The following UGT1A9 variants were observed in gnomAD, a reference collection of about 807,000 sequenced individuals.
UGT1A9 encodes UDP-glucuronosyltransferase 1A9.
A neutral mutation model predicts 45.0 loss-of-function variants in UGT1A9; 35 were observed. The observed-to-expected ratio is 0.78, with a 90% CI of 0.59 to 1.03. The LOEUF is 1.03. UGT1A9 is among the 50% of genes least tolerant of loss of function. UGT1A9 has a pLI of 0.00. For synonymous variants in UGT1A9, 278 were observed against 250.6 expected, an observed-to-expected ratio of 1.11 and a Z score of -1.03; for missense variants, 687 against 666.6, an observed-to-expected ratio of 1.03 and a Z score of -0.34.
In UGT1A9 at chr2:233,767,156, C is replaced by A. The variant is rs1029357504; in HGVS notation, c.978C>A (p.Ile326=). Residue 326 remains isoleucine, a synonymous_variant, in exon 2 of 5, where the codon ATC becomes ATA. Coordinates refer to ENST00000354728, the MANE Select transcript of UGT1A9 (RefSeq NM_021027.3). Reference sequence around the variant, plus strand: ...CAATTGCTGATGCTTTGGGCAAAATCCCTCAGACAGTAAGAAGATTCTATA... The same window carrying A: ...CAATTGCTGATGCTTTGGGCAAAATACCTCAGACAGTAAGAAGATTCTATA... ...AMAIADALGK[I]PQTVLWRYTG... The A allele has an allele frequency of 6.2e-7, 1 of 1,614,058 alleles. No individual in the cohort carries two copies. Among genetic ancestry groups the A allele is most frequent in the Non-Finnish European group, 8.5e-7 (1 of 1,179,996 alleles).
Position 233,724,346 on chromosome 2 carries a change from C to G in UGT1A9, c.856-42688C>G, listed in dbSNP as rs1441595042. On this transcript the variant is annotated intron_variant, in intron 1 of 4. Coordinates refer to ENST00000354728, the MANE Select transcript of UGT1A9 (RefSeq NM_021027.3). ...CTGGCCAGGCGGGGGGCTGACCCCC[C>G]CCACCTCCCTCCCGGACGGGGTGGC... 6.3e-4 allele frequency among the ~76,000 whole-genome samples: 93 copies of G among 148,184 alleles called. 1 individual carries two copies. The highest frequency in any genetic ancestry group is 1.0e-3 in the Non-Finnish European group (69 of 66,790).
In UGT1A9 at chr2:233,768,225, C is replaced by T; in HGVS notation, c.1081C>T (p.Pro361Ser). 6.2e-7 allele frequency: 1 copy of T among 1,614,112 alleles called. No homozygotes were observed. The highest frequency in any genetic ancestry group is 8.5e-7 in the Non-Finnish European group (1 of 1,180,032). Reference protein sequence around the residue: ...WLPQNDLLGHPMTRAFITHAG... With the variant: ...WLPQNDLLGHSMTRAFITHAG... Reference sequence around the variant, plus strand: ...CTCCCTATTTTGCATCTCAGGTCACCCGATGACCCGTGCCTTTATCACCCA... The same window carrying T: ...CTCCCTATTTTGCATCTCAGGTCACTCGATGACCCGTGCCTTTATCACCCA... Residue 361 changes from proline (P) to serine (S), a missense_variant, in exon 4 of 5, where the codon CCG becomes TCG. Pro to Ser is a moderately conservative substitution (Grantham distance 74). Transcript: ENST00000354728.
chr2:233,744,019 G>T, intron 1 of UGT1A9: 1 of 997,712 alleles, frequency 1.0e-6, no homozygotes. Flanking sequence ...GCCGCCTGGA[G>T]AGACGCCCCT....
rs115421913 is a variant in UGT1A9, at chr2:233,687,928, T to C, written c.855+15139T>C. On this transcript the variant is annotated intron_variant, in intron 1 of 4. Transcript: ENST00000354728. ...GTCTCAAAATAAATAAATCAATAAA[T>C]ACATGAATAAATAAAATTTAAAAAT... Among the ~76,000 whole-genome samples, 670 of 152,294 alleles carry C rather than the reference T, an allele frequency of 4.4e-3. 8 individuals are homozygous for C. Among genetic ancestry groups the C allele is most frequent in the African/African-American group, 0.015 (635 of 41,574 alleles).
chr2:233,713,032 C>T, intron 1 of UGT1A9: 2 of 1,613,918 alleles, frequency 1.2e-6, no homozygotes, highest in Non-Finnish European at 1.7e-6. Context: ...CAGCTGGCCA[C>T]AGGACTGCTG....
At chr2:233,712,199 C>G (rs923606467) in intron 1 of UGT1A9, among the ~76,000 whole-genome samples, 3 of 152,228 alleles carry the variant, frequency 2.0e-5, no homozygotes, top group Non-Finnish European at 2.9e-5. Context: ...CCCCCGGTCC[C>G]TTGGTGAGCA....
rs543813427 is a variant in UGT1A9, at chr2:233,762,081, T to A, written c.856-4953T>A. Among the ~76,000 whole-genome samples, 15 of 152,334 alleles carry A rather than the reference T, an allele frequency of 9.8e-5. No homozygotes were observed. In the South Asian group the frequency reaches 3.1e-3, roughly 32 times the overall value. On this transcript the variant is annotated intron_variant, in intron 1 of 4. Transcript: ENST00000354728. ...TAGCACATCAAATATGGCAGCCATT[T>A]CACTTAGATAGTTGTTGATTGTCCG...
At chr2:233,748,299 A>G (rs891574049) in intron 1 of UGT1A9, among the ~76,000 whole-genome samples, 4 of 151,748 alleles carry the variant, frequency 2.6e-5, no homozygotes, top group African/African-American at 9.7e-5. Flanking sequence ...ATGAATGTTT[A>G]TCAAAGGATG....
chr2:233,689,167 T>C (rs1483008187), intron 1 of UGT1A9, among the ~76,000 whole-genome samples: 1 of 152,216 alleles, frequency 6.6e-6, no homozygotes, highest in African/African-American at 2.4e-5. Flanking sequence ...CCTTATCTTC[T>C]ACTAGGACAG....
At chr2:233,761,090 T>A in intron 1 of UGT1A9, 1 of 1,614,218 alleles carries the variant, frequency 6.2e-7, no homozygotes, top group Admixed American at 1.7e-5. Flanking sequence ...CCTAGGCCCA[T>A]CATGCCCAAT....
intron 1 of UGT1A9, among the ~76,000 whole-genome samples, chr2:233,757,560 A>ATATATATATATACATATATATATG (rs904896556): frequency 8.1e-6 from 1 of 123,146 alleles, no homozygotes; most frequent in African/African-American, 3.4e-5. Flanking sequence ...ATATATATAT[A>ATATATATATATACATATATATATG]TGTATATATG....
intron 1 of UGT1A9, among the ~76,000 whole-genome samples, chr2:233,692,638 A>G (rs1027065840): frequency 6.6e-6 from 1 of 152,230 alleles, no homozygotes; most frequent in African/African-American, 2.4e-5. Flanking sequence ...GACAACGTCA[A>G]TGATGAGGAA....
chr2:233,685,092 A>G (rs543205229), intron 1 of UGT1A9, among the ~76,000 whole-genome samples: 21 of 152,302 alleles, frequency 1.4e-4, no homozygotes, highest in Admixed American at 2.6e-4. Context: ...AAGGTTTCCT[A>G]TAACAAAATC....
At position 233,701,657 on chromosome 2, in the gene UGT1A9, G is replaced by A. The variant is rs1037742895; in HGVS notation, c.855+28868G>A. On this transcript the variant is annotated intron_variant, in intron 1 of 4. Coordinates refer to ENST00000354728, the MANE Select transcript of UGT1A9 (RefSeq NM_021027.3). ...ATAGCAAACTGTCTCTCAGACCACA[G>A]TGCAATCAAACTAGAACTCAGAATT... Among the ~76,000 whole-genome samples, 7 of 152,304 alleles carry A rather than the reference G, an allele frequency of 4.6e-5. No individual in the cohort carries two copies. The East Asian group carries it at 9.6e-4, about 21-fold the overall frequency.
At chr2:233,695,065 G>C (rs1177586033) in intron 1 of UGT1A9, among the ~76,000 whole-genome samples, 1 of 151,672 alleles carries the variant, frequency 6.6e-6, no homozygotes, top group Non-Finnish European at 1.5e-5. Flanking sequence ...CTGTGCTATC[G>C]CACTTTGGAC....
chr2:233,768,750 T>C (rs190233981), intron 4 of UGT1A9, among the ~76,000 whole-genome samples: 30 of 152,044 alleles, frequency 2.0e-4, no homozygotes, highest in Admixed American at 8.5e-4. Flanking sequence ...GCCCGGTTAA[T>C]TTTTGTATTT....
chr2:233,678,142 A>C (rs2074409846), intron 1 of UGT1A9, among the ~76,000 whole-genome samples: 1 of 152,212 alleles, frequency 6.6e-6, no homozygotes, highest in Non-Finnish European at 1.5e-5. Flanking sequence ...TAAAGATGGC[A>C]ACAATAGACA....
At chr2:233,692,764 A>G (rs902623866) in intron 1 of UGT1A9, 2 of 1,237,922 alleles carry the variant, frequency 1.6e-6, no homozygotes, top group South Asian at 3.4e-5. Flanking sequence ...GGAGCTGAAG[A>G]GAAACACCCA....
chr2:233,697,942 A>G (rs539940045), intron 1 of UGT1A9, among the ~76,000 whole-genome samples: 1 of 152,382 alleles, frequency 6.6e-6, no homozygotes, highest in South Asian at 2.1e-4. Context: ...GGAAAAAAGT[A>G]AATGAAAGCT....
Sources: gnomAD v4.1 joint callset for allele counts (sites outside exome capture counted in the v4.1 genomes callset) on GRCh38, gnomAD v4.1.1 for gene constraint, MANE v1.5 for transcripts, NCBI Gene and HGNC (gene_info 2026-07-23, HGNC 2026-07-21) for gene names.